Variants in STOX2 observed in about 807,000 individuals in gnomAD.
STOX2 encodes the protein storkhead box 2, also known as storkhead-box protein 2.
In STOX2, 28 loss-of-function variants were observed where a neutral mutation model predicts 60.9. That is an observed-to-expected ratio of 0.46 (90% CI 0.34 to 0.63). The LOEUF is 0.63. Ranked by LOEUF, STOX2 falls within the 30% of genes least tolerant of loss-of-function variation. The probability of loss-of-function intolerance (pLI) is 0.01; values close to 1 mark genes in which losing one functional copy is unlikely to be tolerated. For synonymous variants in STOX2, 472 were observed against 463.9 expected (o/e 1.02, Z -0.22); for missense variants, 1,024 against 1,187.7 (o/e 0.86, Z 2.03).
chr4:183,974,450 T>A (rs1461550916), intron 1 of STOX2, among the ~76,000 whole-genome samples: 1 of 152,120 alleles, frequency 6.6e-6, no homozygotes, highest in Non-Finnish European at 1.5e-5. Context: ...GGATTTTTTT[T>A]AAATGACCAA....
Position 183,906,701 on chromosome 4 carries a change from G to GT in STOX2, c.-90_-89insT. ...GGGAAAATGTGCGCAGAGTCCGCCC[G>GT]GGTCGTGCCCGCCGTAGACGGATGA... On this transcript the variant is annotated 5_prime_UTR_variant, in exon 1 of 4. The change abolishes the stop of an existing upstream ORF in the 5' untranslated region. Transcript: ENST00000308497. 1 of 1,352,954 alleles carries GT rather than the reference G, an allele frequency of 7.4e-7. No homozygotes were observed. The highest frequency in any genetic ancestry group is 3.0e-5 in the Admixed American group (1 of 33,616). The allele number at this position is 1,352,954 out of a possible 1,614,324, so 83.8% of individuals were successfully genotyped here. A position where few individuals can be genotyped will look rare whatever the true frequency, so the allele number is the denominator to read the frequency against.
chr4:183,973,192 G>T (rs1269658308), intron 1 of STOX2, among the ~76,000 whole-genome samples: 1 of 152,096 alleles, frequency 6.6e-6, no homozygotes, highest in Non-Finnish European at 1.5e-5. Flanking sequence ...AACTAAATTT[G>T]GTCAAAGACG....
intron 1 of STOX2, among the ~76,000 whole-genome samples, chr4:183,880,466 G>C (rs1203985991): frequency 6.6e-6 from 1 of 152,198 alleles, no homozygotes; most frequent in Non-Finnish European, 1.5e-5. Context: ...GAAAAACTGT[G>C]AATTTTGCAG....
intron 1 of STOX2, among the ~76,000 whole-genome samples, chr4:183,837,640 G>A (rs570966381): frequency 1.3e-5 from 2 of 151,916 alleles, no homozygotes; most frequent in South Asian, 4.2e-4. Flanking sequence ...TGTATTTTTG[G>A]TGGAGATGAG....
chr4:184,001,229 C>T lies in STOX2; in HGVS notation c.167-96C>T, dbSNP rs907298789. The T allele has an allele frequency of 7.3e-6, 9 of 1,227,066 alleles. No individual in the cohort carries two copies. Among genetic ancestry groups the T allele is most frequent in the Non-Finnish European group, 1.0e-5 (9 of 860,674 alleles). The allele number at this position is 1,227,066 out of a possible 1,614,324, so 76.0% of individuals were successfully genotyped here. A position where few individuals can be genotyped will look rare whatever the true frequency, so the allele number is the denominator to read the frequency against. On this transcript the variant is annotated intron_variant, in intron 1 of 3. Transcript: ENST00000308497. This position sits in a 1 kb window ranked among gnomAD's most constrained non-coding sequence, Gnocchi z 4.2. ...TGCTATGTTCGGAGCTGACTGTGTT[C>T]GTCAGACCAGGGCCAGATGGACGCG...
chr4:183,961,344 G>A (rs1019771218), intron 1 of STOX2, among the ~76,000 whole-genome samples: 3 of 150,010 alleles, frequency 2.0e-5, no homozygotes, highest in East Asian at 1.9e-4. Flanking sequence ...CACATCGAAC[G>A]ACAAGTGATG....
intron 1 of STOX2, among the ~76,000 whole-genome samples, chr4:183,945,229 A>T (rs2111134676): frequency 6.6e-6 from 1 of 152,308 alleles, no homozygotes; most frequent in Non-Finnish European, 1.5e-5. Context: ...TTGGTATTTT[A>T]AAAATTTCTC....
chr4:183,990,569 A>G (rs928504032), intron 1 of STOX2, among the ~76,000 whole-genome samples: 1 of 141,324 alleles, frequency 7.1e-6, no homozygotes, highest in East Asian at 2.2e-4. Flanking sequence ...GGGCAGTTTA[A>G]AAAGCAGGAT....
chr4:183,833,486 G>C (rs551552097), intron 1 of STOX2, among the ~76,000 whole-genome samples: 5 of 152,064 alleles, frequency 3.3e-5, no homozygotes, highest in Non-Finnish European at 5.9e-5. Context: ...AGACCTTCAG[G>C]TTAGAGAGGA....
intron 1 of STOX2, among the ~76,000 whole-genome samples, chr4:183,923,806 G>A (rs752687444): frequency 1.3e-5 from 2 of 152,120 alleles, no homozygotes; most frequent in Non-Finnish European, 2.9e-5. Flanking sequence ...GGGGCTGTGA[G>A]GGGTGTGGCA....
At chr4:183,929,451 G>A (rs1249082728) in intron 1 of STOX2, among the ~76,000 whole-genome samples, 1 of 152,206 alleles carries the variant, frequency 6.6e-6, no homozygotes, top group African/African-American at 2.4e-5. Flanking sequence ...ATTACGTGTA[G>A]TATGTTGGGT....
chr4:183,809,151 G>C (rs1292996194), intron 1 of STOX2, among the ~76,000 whole-genome samples: 1 of 152,118 alleles, frequency 6.6e-6, no homozygotes, highest in Admixed American at 6.5e-5. Flanking sequence ...GTGTGATCAC[G>C]GCTCACTGCA....
rs752377957 is a variant in STOX2 at position 183,801,187 on chromosome 4, T to G, written c.364+3132T>G. Among the ~76,000 whole-genome samples the G allele has an allele frequency of 3.3e-4, 50 of 152,296 alleles. 1 individual carries two copies. The highest frequency in any genetic ancestry group is 5.4e-4 in the Non-Finnish European group (37 of 68,032). The stretch of plus-strand genomic sequence containing the variant: ...TTAAGCCACTCAAAGGAAAAGTGGT[T>G]TTGACTTGGCATCTTCCAATTCACT... On this transcript the variant is annotated intron_variant, in intron 1 of 2. Transcript: ENST00000513034.
intron 1 of STOX2, among the ~76,000 whole-genome samples, chr4:183,894,265 G>T (rs1283082696): frequency 3.3e-5 from 5 of 152,190 alleles, no homozygotes; most frequent in African/African-American, 4.8e-5. Flanking sequence ...AATCCTCTGT[G>T]CTTGAAACAG....
At chr4:183,843,041 C>T (rs548660467) in intron 1 of STOX2, among the ~76,000 whole-genome samples, 12 of 150,310 alleles carry the variant, frequency 8.0e-5, no homozygotes, top group East Asian at 7.9e-4. Flanking sequence ...CCCAGCTACT[C>T]GGGAGACTGA....
intron 1 of STOX2, among the ~76,000 whole-genome samples, chr4:183,910,058 C>T (rs1485273071): frequency 1.3e-5 from 2 of 152,198 alleles, no homozygotes; most frequent in Non-Finnish European, 2.9e-5. Flanking sequence ...CATGAGCTTC[C>T]TAGCAACCAG....
At chr4:183,827,509 T>A (rs989013290) in intron 1 of STOX2, among the ~76,000 whole-genome samples, 8 of 150,938 alleles carry the variant, frequency 5.3e-5, no homozygotes, top group African/African-American at 2.0e-4. Context: ...AAAATAAAAA[T>A]AAAAAAACAA....
intron 1 of STOX2, among the ~76,000 whole-genome samples, chr4:183,867,930 G>A (rs1259463519): frequency 6.6e-6 from 1 of 152,174 alleles, no homozygotes; most frequent in African/African-American, 2.4e-5. Flanking sequence ...ACTGATTGCT[G>A]GGGACAGTCA....
chr4:183,958,854 T>C (rs1171969139), intron 1 of STOX2, among the ~76,000 whole-genome samples: 2 of 152,186 alleles, frequency 1.3e-5, no homozygotes, highest in Non-Finnish European at 2.9e-5. Context: ...ACTCTCTCAG[T>C]GGGTGGGACT....
Sources: gnomAD v4.1 joint callset for allele counts (sites outside exome capture counted in the v4.1 genomes callset) on GRCh38, gnomAD v4.1.1 for gene constraint, Gnocchi (gnomAD v3.1) non-coding constraint, MANE v1.5 for transcripts, NCBI Gene and HGNC (gene_info 2026-07-23, HGNC 2026-07-21) for gene names.